NDRG1: variants seen among roughly 807,000 people sequenced by gnomAD.
NDRG1 encodes N-myc downstream regulated 1, also known as protein NDRG1.
A neutral mutation model predicts 56.9 loss-of-function variants in NDRG1; 32 were observed. The ratio of observed to expected loss-of-function variants is 0.56; its 90% CI spans 0.42 to 0.76. The LOEUF is 0.76. NDRG1 is among the 30% of genes least tolerant of loss of function. NDRG1 has a pLI of 0.00. For missense variants in NDRG1, 507 were observed against 545.7 expected (o/e 0.93, Z 0.71); for synonymous variants, 211 against 204.1 (o/e 1.03, Z -0.29).
intron 1 of NDRG1, among the ~76,000 whole-genome samples, chr8:133,295,899 T>C (rs565731867): frequency 6.6e-6 from 1 of 152,174 alleles, no homozygotes; most frequent in East Asian, 1.9e-4. Flanking sequence ...TGTTCTTGGA[T>C]GGGCATAAGA....
At chr8:133,269,393 G>A (rs1463366087) in intron 3 of NDRG1, among the ~76,000 whole-genome samples, 2 of 152,226 alleles carry the variant, frequency 1.3e-5, no homozygotes, top group Admixed American at 6.5e-5. Flanking sequence ...CACCTGCTCT[G>A]GAAGAGTCTA....
At position 133,237,526 on chromosome 8, in the gene NDRG1, G is replaced by A. The variant is rs1460105098; in HGVS notation, c.*1352C>T. The A allele has an allele frequency of 2.1e-5, 5 of 233,124 alleles. No homozygotes were observed. Among genetic ancestry groups the A allele is most frequent in the Admixed American group, 5.6e-5 (1 of 17,776 alleles). 14.4% of individuals were successfully genotyped at this position (233,124 alleles called of 1,614,324 possible). On this transcript the variant is annotated 3_prime_UTR_variant, in exon 16 of 16. Coordinates refer to ENST00000323851, the MANE Select transcript of NDRG1 (RefSeq NM_006096.4). Reference sequence around the variant, plus strand: ...TGAAAAGTACAAGGCAGTAGTACAGGAACCTGGCAGCCGCACTGGCCGCCC... The same window carrying A: ...TGAAAAGTACAAGGCAGTAGTACAGAAACCTGGCAGCCGCACTGGCCGCCC...
At chr8:133,286,137 C>T (rs571963384) in intron 1 of NDRG1, among the ~76,000 whole-genome samples, 25 of 152,222 alleles carry the variant, frequency 1.6e-4, no homozygotes, top group Non-Finnish European at 2.2e-4. Flanking sequence ...TTGTTCTTTT[C>T]TCTACCTCTA....
intron 9 of NDRG1, among the ~76,000 whole-genome samples, chr8:133,252,803 A>G (rs1856141777): frequency 6.7e-6 from 1 of 149,162 alleles, no homozygotes; most frequent in South Asian, 2.1e-4. Flanking sequence ...CCCCTCGTAC[A>G]CTCGCCAACT....
At chr8:133,296,862 C>G (rs1490264047) in intron 1 of NDRG1, 1 of 228,764 alleles carries the variant, frequency 4.4e-6, no homozygotes, top group African/African-American at 2.3e-5. Flanking sequence ...CCTTCCCGAC[C>G]TCCAGAACCC....
At chr8:133,287,787 G>A (rs567748743) in intron 1 of NDRG1, among the ~76,000 whole-genome samples, 3 of 152,230 alleles carry the variant, frequency 2.0e-5, no homozygotes, top group African/African-American at 4.8e-5. Flanking sequence ...CCCACGCTGC[G>A]ACCAGCAAAA....
intron 1 of NDRG1, among the ~76,000 whole-genome samples, chr8:133,289,886 T>C (rs1407575526): frequency 2.6e-5 from 4 of 152,178 alleles, no homozygotes; most frequent in Non-Finnish European, 4.4e-5. Flanking sequence ...AGCAAGTCAC[T>C]TCCTCTCTGG....
intron 3 of NDRG1, among the ~76,000 whole-genome samples, chr8:133,269,906 C>T (rs376090090): frequency 7.9e-5 from 12 of 152,358 alleles, no homozygotes; most frequent in African/African-American, 2.9e-4. Flanking sequence ...CAGGCACCTG[C>T]CCCCAAACTG....
chr8:133,258,787 G>A (rs1856517174), intron 6 of NDRG1, among the ~76,000 whole-genome samples: 1 of 152,204 alleles, frequency 6.6e-6, no homozygotes. Context: ...ATCATTCTTT[G>A]AAGAGCTCAA....
In NDRG1 at chr8:133,242,029, C is replaced by A; in HGVS notation, c.937G>T (p.Gly313Ter). The change falls in exon 15 of 16, where the codon GGA (glycine) becomes TGA (stop). Residue 313 changes from glycine to a stop codon, truncating the protein, a stop_gained. Coordinates refer to ENST00000323851, the MANE Select transcript of NDRG1 (RefSeq NM_006096.4). LOFTEE classifies it high-confidence loss of function. ...EAFKYFVQGM[G>*]YMPSASMTRL... Reference sequence around the variant, plus strand: ...CGGGGAATGCCATACTCACTGTATCCCATGCCCTGCACGAAGTACTTGAAG... The same window carrying A: ...CGGGGAATGCCATACTCACTGTATCACATGCCCTGCACGAAGTACTTGAAG... The A allele has an allele frequency of 6.2e-7, 1 of 1,614,186 alleles. No individual in the cohort carries two copies. The highest frequency in any genetic ancestry group is 8.5e-7 in the Non-Finnish European group (1 of 1,180,030).
chr8:133,275,123 C>G (rs1029156612), intron 3 of NDRG1, among the ~76,000 whole-genome samples: 7 of 152,184 alleles, frequency 4.6e-5, no homozygotes, highest in African/African-American at 1.7e-4. Flanking sequence ...CATCAGGCCC[C>G]AGAGAGCTTC....
intron 5 of NDRG1, among the ~76,000 whole-genome samples, chr8:133,260,437 C>G (rs2130731450): frequency 6.6e-6 from 1 of 152,324 alleles, no homozygotes; most frequent in South Asian, 2.1e-4. Flanking sequence ...ACCAGATGCA[C>G]ACGAAAACCA....
intron 15 of NDRG1, chr8:133,239,354 G>C (rs1023850901): frequency 6.0e-6 from 4 of 668,014 alleles, no homozygotes; most frequent in East Asian, 2.7e-5. Context: ...CTTGAACCCA[G>C]ATCTGGGTCT....
chr8:133,278,875 G>T (rs1032888922), intron 3 of NDRG1, among the ~76,000 whole-genome samples: 1 of 147,812 alleles, frequency 6.8e-6, no homozygotes, highest in Non-Finnish European at 1.5e-5. Context: ...TCCCAGTGCT[G>T]TCTCTCTTCT....
In NDRG1 at chr8:133,237,209, T is replaced by C; in HGVS notation, c.*1669A>G. On this transcript the variant is annotated 3_prime_UTR_variant, in exon 16 of 16. Transcript: ENST00000323851. ...ACAAATTTATTGGTCTGGAAATAAA[T>C]ACAAATATCTCATTAAGAAACTCCT... is the stretch of plus-strand genomic sequence containing the variant. 4.6e-6 allele frequency: 1 copy of C among 218,612 alleles called. No individual in the cohort carries two copies. The highest frequency in any genetic ancestry group is 9.2e-6 in the Non-Finnish European group (1 of 108,922). 13.5% of individuals were successfully genotyped at this position (218,612 alleles called of 1,614,324 possible). A position where few individuals can be genotyped will look rare whatever the true frequency, so the allele number is the denominator to read the frequency against.
intron 3 of NDRG1, among the ~76,000 whole-genome samples, chr8:133,273,301 C>G (rs761138601): frequency 1.3e-5 from 2 of 152,214 alleles, no homozygotes; most frequent in Non-Finnish European, 2.9e-5. Context: ...ACTCGGCCCA[C>G]GAGGTACAAT....
chr8:133,271,780 A>G (rs1396628396), intron 3 of NDRG1, among the ~76,000 whole-genome samples: 1 of 44,746 alleles, frequency 2.2e-5, no homozygotes, highest in African/African-American at 8.4e-5. Context: ...ACCCTGTCTA[A>G]AAAAAAAAAA....
intron 1 of NDRG1, among the ~76,000 whole-genome samples, chr8:133,294,678 G>T (rs991142417): frequency 2.1e-4 from 32 of 152,018 alleles, no homozygotes; most frequent in African/African-American, 6.5e-4. Context: ...TCATGGGGGG[G>T]GGGCAGCCCC....
At chr8:133,269,156 C>T (rs137934582) in intron 3 of NDRG1, among the ~76,000 whole-genome samples, 8 of 152,142 alleles carry the variant, frequency 5.3e-5, no homozygotes, top group Non-Finnish European at 7.3e-5. Flanking sequence ...GTGCACTGTT[C>T]GTCCTCTTGC....
Sources: allele counts gnomAD v4.1 joint callset (sites outside exome capture counted in the v4.1 genomes callset), GRCh38; gene constraint gnomAD v4.1.1; transcripts MANE v1.5; gene names NCBI Gene and HGNC (gene_info 2026-07-23, HGNC 2026-07-21).